Variants in SH3GL1 observed in about 807,000 individuals in gnomAD.
The protein encoded by SH3GL1 is SH3 domain containing GRB2 like 1, endophilin A2.
Under a neutral mutation model 48.8 loss-of-function variants are expected in SH3GL1, and 21 were observed. The observed-to-expected ratio is 0.43, with a 90% CI of 0.30 to 0.62. The LOEUF (loss-of-function observed/expected upper bound fraction) is 0.62, where lower values mean the gene tolerates loss of function less well. SH3GL1 is among the 20% of genes least tolerant of loss of function. The probability of loss-of-function intolerance (pLI) is 0.11; values close to 1 mark genes in which losing one functional copy is unlikely to be tolerated. For synonymous variants in SH3GL1, 282 were observed against 217.5 expected, an observed-to-expected ratio of 1.30 and a Z score of -2.61; for missense variants, 454 against 503.0, an observed-to-expected ratio of 0.90 and a Z score of 0.93.
chr19:4,363,794 G>C lies in SH3GL1; in HGVS notation c.550C>G (p.Arg184Gly). ...RQGKIPDEEL[R>G]QALEKFEESK... ...TCCTCGAACTTCTCCAGCGCCTGGC[G>C]TAGCTCCTCATCGGGGATCTTGCCC... Residue 184 changes from arginine (R) to glycine (G), a missense_variant, in exon 6 of 10, where the codon CGC becomes GGC. Arg to Gly is a moderately radical substitution (Grantham distance 125). Transcript: ENST00000269886. 1.2e-6 allele frequency: 2 copies of C among 1,613,784 alleles called. No homozygotes were observed. The highest frequency in any genetic ancestry group is 1.7e-6 in the Non-Finnish European group (2 of 1,180,038).
At chr19:4,388,516 G>C (rs1047332771) in intron 1 of SH3GL1, among the ~76,000 whole-genome samples, 1 of 152,256 alleles carries the variant, frequency 6.6e-6, no homozygotes, top group Non-Finnish European at 1.5e-5. Flanking sequence ...GTGGCAATCA[G>C]AGAGAAGTCA....
Position 4,361,607 on chromosome 19 carries a change from G to C in SH3GL1, c.1100C>G (p.Pro367Arg). ...LSYVEVLVPL[P>R]Q ...GGCGGGGACACGGGTGAGTCACTGC[G>C]GCAGGGGCACAAGCACCTCCACGTA... Residue 367 changes from proline to arginine, a missense_variant, in exon 10 of 10, where the codon CCG becomes CGG. By Grantham distance (103) the Pro-to-Arg change is moderately radical. Coordinates refer to ENST00000269886, the MANE Select transcript of SH3GL1 (RefSeq NM_003025.4). The C allele has an allele frequency of 6.3e-7, 1 of 1,597,228 alleles. No individual in the cohort carries two copies. The highest frequency in any genetic ancestry group is 8.5e-7 in the Non-Finnish European group (1 of 1,175,176).
rs1972573924 is a variant in SH3GL1, at chr19:4,360,479, T to G, written c.*1121A>C. On this transcript the variant is annotated 3_prime_UTR_variant, in exon 10 of 10. Coordinates refer to ENST00000269886, the MANE Select transcript of SH3GL1 (RefSeq NM_003025.4). ...CTCATCTCTGCGCCCCTCATGTACT[T>G]CTGACGAGGGGGGTGCAGGGCAGGG... 4.3e-6 allele frequency: 1 copy of G among 233,734 alleles called. No individual in the cohort carries two copies. The highest frequency in any genetic ancestry group is 8.4e-6 in the Non-Finnish European group (1 of 118,570). 14.5% of individuals were successfully genotyped at this position (233,734 alleles called of 1,614,324 possible).
chr19:4,385,663 C>T (rs1973222493), intron 1 of SH3GL1, among the ~76,000 whole-genome samples: 1 of 152,222 alleles, frequency 6.6e-6, no homozygotes. Flanking sequence ...GAGGGGCCCA[C>T]TGGTGCCTTC....
In SH3GL1 at chr19:4,400,268, C is replaced by T; in HGVS notation, c.45+56G>A. ...TCCCGGGCCAGGTCGGGCCTGGCTC[C>T]CTCATCCGGGCAGCCCGGGGCCCGG... On this transcript the variant is annotated intron_variant, in intron 1 of 9. Coordinates refer to ENST00000269886, the MANE Select transcript of SH3GL1 (RefSeq NM_003025.4). The surrounding 1 kb of genome is among the most constrained non-coding windows in gnomAD (Gnocchi z 4.1). The T allele has an allele frequency of 6.4e-7, 1 of 1,568,714 alleles. No individual in the cohort carries two copies. Among genetic ancestry groups the T allele is most frequent in the South Asian group, 1.1e-5 (1 of 87,728 alleles).
chr19:4,364,333 G>C, intron 4 of SH3GL1, 112 bp from the exon 5 acceptor site: 1 of 1,354,844 alleles, frequency 7.4e-7, no homozygotes, highest in Non-Finnish European at 1.0e-6. Flanking sequence ...ACGCAGTGGC[G>C]CTGTACCAGC....
chr19:4,364,865 A>G (rs1163567342), intron 4 of SH3GL1, among the ~76,000 whole-genome samples: 2 of 42,084 alleles, frequency 4.8e-5, no homozygotes, highest in African/African-American at 1.1e-4. Flanking sequence ...CACCCGGCTA[A>G]TTGTGTGTGT....
At chr19:4,374,596 G>C (rs576685902) in intron 1 of SH3GL1, among the ~76,000 whole-genome samples, 39 of 152,334 alleles carry the variant, frequency 2.6e-4, no homozygotes, top group Admixed American at 2.4e-3. Context: ...GGCAATCGGC[G>C]TTTCTCCCGG....
At position 4,360,494 on chromosome 19, in the gene SH3GL1, G is replaced by T. The variant is rs886078919; in HGVS notation, c.*1106C>A. ...CTCATGTACTTCTGACGAGGGGGGT[G>T]CAGGGCAGGGCAGAGCAGAGCCTGG... is the stretch of plus-strand genomic sequence containing the variant. On this transcript the variant is annotated 3_prime_UTR_variant, in exon 10 of 10. Coordinates refer to ENST00000269886, the MANE Select transcript of SH3GL1 (RefSeq NM_003025.4). 8.6e-6 allele frequency: 2 copies of T among 232,630 alleles called. No homozygotes were observed. The highest frequency in any genetic ancestry group is 1.2e-4 in the East Asian group (2 of 16,518). 14.4% of individuals were successfully genotyped at this position (232,630 alleles called of 1,614,324 possible).
intron 1 of SH3GL1, among the ~76,000 whole-genome samples, chr19:4,382,823 A>T (rs1432782879): frequency 6.6e-6 from 1 of 152,154 alleles, no homozygotes; most frequent in African/African-American, 2.4e-5. Flanking sequence ...GCCAGTACTG[A>T]GCCACTGTTC....
intron 1 of SH3GL1, among the ~76,000 whole-genome samples, chr19:4,368,896 C>T (rs989998700): frequency 2.0e-5 from 3 of 152,058 alleles, no homozygotes; most frequent in African/African-American, 7.3e-5. Flanking sequence ...ACAGTGAAAC[C>T]CCGTCTCTAC....
intron 1 of SH3GL1, among the ~76,000 whole-genome samples, chr19:4,391,036 T>C (rs555716941): frequency 3.3e-5 from 5 of 152,294 alleles, no homozygotes; most frequent in South Asian, 2.1e-4. Flanking sequence ...CCTAGGCCCC[T>C]GGATTAAAGT....
rs925138766 is a variant in SH3GL1 at position 4,389,119 on chromosome 19, C to T, written c.45+11205G>A. On this transcript the variant is annotated intron_variant, in intron 1 of 9. Transcript: ENST00000269886. The surrounding 1 kb of genome is among the most constrained non-coding windows in gnomAD (Gnocchi z 4.5). ...CAGCCCCTCACTCTGAGAAGGAGCC[C>T]TCTAGCTCAGCCTCTGTAGGGGGCG... is the stretch of plus-strand genomic sequence containing the variant. Among the ~76,000 whole-genome samples, 1 of 152,210 alleles carries T rather than the reference C, an allele frequency of 6.6e-6. No individual in the cohort carries two copies. Among genetic ancestry groups the T allele is most frequent in the Admixed American group, 6.5e-5 (1 of 15,288 alleles).
intron 1 of SH3GL1, among the ~76,000 whole-genome samples, chr19:4,371,439 T>G (rs1972898478): frequency 1.3e-5 from 2 of 152,220 alleles, no homozygotes; most frequent in African/African-American, 4.8e-5. Context: ...TGGGCGGCCT[T>G]GGGATTTAAA....
At chr19:4,381,024 C>T (rs1026867970) in intron 1 of SH3GL1, among the ~76,000 whole-genome samples, 1 of 151,896 alleles carries the variant, frequency 6.6e-6, no homozygotes, top group African/African-American at 2.4e-5. Context: ...TCTGTTTCCC[C>T]ACCGGCCTCC....
At chr19:4,392,584 T>C (rs1352989532) in intron 1 of SH3GL1, among the ~76,000 whole-genome samples, 1 of 151,090 alleles carries the variant, frequency 6.6e-6, no homozygotes, top group Non-Finnish European at 1.5e-5. Context: ...GATCATTCCA[T>C]GTTTATGGCT....
intron 1 of SH3GL1, among the ~76,000 whole-genome samples, chr19:4,371,950 G>A (rs1449473112): frequency 2.6e-5 from 4 of 152,222 alleles, no homozygotes; most frequent in Admixed American, 1.3e-4. Context: ...CTGGTCAACC[G>A]CAGCGAATAC....
intron 3 of SH3GL1, 75 bp from the exon 4 acceptor site, chr19:4,365,700 A>G: frequency 1.9e-6 from 3 of 1,590,774 alleles, no homozygotes; most frequent in Non-Finnish European, 2.6e-6. Flanking sequence ...CAGCCCCCAC[A>G]TCTCCTCCCC....
chr19:4,392,554 ACACACACACACACAC>A, intron 1 of SH3GL1, among the ~76,000 whole-genome samples: 1 of 143,128 alleles, frequency 7.0e-6, no homozygotes, highest in African/African-American at 2.8e-5. Context: ...ACACACACAC[ACACACACACACACAC>A]AAAAGATCAT....
Sources: gnomAD v4.1 joint callset for allele counts (sites outside exome capture counted in the v4.1 genomes callset) on GRCh38, gnomAD v4.1.1 for gene constraint, Gnocchi (gnomAD v3.1) non-coding constraint, MANE v1.5 for transcripts, NCBI Gene and HGNC (gene_info 2026-07-23, HGNC 2026-07-21) for gene names.